The following ACOT12 variants were observed in gnomAD, a reference collection of about 807,000 sequenced individuals.
The protein encoded by ACOT12 is acetyl-coenzyme A thioesterase.
A neutral mutation model predicts 67.7 loss-of-function variants in ACOT12; 51 were observed. The observed-to-expected ratio is 0.75, with a 90% CI of 0.60 to 0.95. The LOEUF is 0.95. ACOT12 is among the 40% of genes least tolerant of loss of function. The probability of loss-of-function intolerance (pLI) is 0.00; values close to 1 mark genes in which losing one functional copy is unlikely to be tolerated. For missense variants in ACOT12, 734 were observed against 708.1 expected (o/e 1.04, Z -0.41); for synonymous variants, 251 against 244.6 (o/e 1.03, Z -0.24).
At position 81,342,704 on chromosome 5, in the gene ACOT12, T is replaced by A. The variant is rs139871526; in HGVS notation, c.1096A>T (p.Arg366Trp). ...VEALKKLAAK[R>W]GWEVTSTVEK... ...ACAGTGCTGGTAACCTCCCAACCCC[T>A]TTTGGCTGCCAGTTTTTTGAGGGCC... The change falls in exon 11 of 15, where the codon AGG becomes TGG. Residue 366 changes from arginine (R) to tryptophan (W), a missense_variant. Transcript: ENST00000307624. 47 of 1,613,970 alleles carry A rather than the reference T, an allele frequency of 2.9e-5. No individual in the cohort carries two copies. The highest frequency in any genetic ancestry group is 1.0e-4 in the Admixed American group (6 of 60,006).
chr5:81,308,617 T>C, the ACOT12 span: 1 of 1,613,768 alleles, frequency 6.2e-7, no homozygotes, highest in Admixed American at 1.7e-5. Flanking sequence ...CCGCCGCCCT[T>C]GAAAATCAAG....
At chr5:81,345,189 C>T in intron 7 of ACOT12, 148 bp from the exon 8 acceptor site, 1 of 1,050,806 alleles carries the variant, frequency 9.5e-7, no homozygotes, top group South Asian at 1.8e-5. Context: ...TTGTTATCAG[C>T]AAACCTGTGC....
rs563988543 is a variant in ACOT12, at chr5:81,389,838, T to G, written c.128-4012A>C. ...CACCAGGCCCAGCCTGTATTAGTTTTTCTTGATGTTCTATGACCTTGAATC... is the reference window on the plus strand; with the variant it reads ...CACCAGGCCCAGCCTGTATTAGTTTGTCTTGATGTTCTATGACCTTGAATC... On this transcript the variant is annotated intron_variant, in intron 1 of 14. Coordinates refer to ENST00000307624, the MANE Select transcript of ACOT12 (RefSeq NM_130767.3). Among the ~76,000 whole-genome samples the G allele has an allele frequency of 4.0e-5, 6 of 151,868 alleles. 1 individual carries two copies. In the South Asian group the frequency reaches 1.1e-3, roughly 27 times the overall value.
the ACOT12 span, among the ~76,000 whole-genome samples, chr5:81,321,574 A>C: frequency 6.6e-6 from 1 of 152,262 alleles, no homozygotes; most frequent in African/African-American, 2.4e-5. Flanking sequence ...AAAAACTACC[A>C]GACTTAAAAA....
chr5:81,393,921 G>T, intron 1 of ACOT12, 67 bp downstream of exon 1: 1 of 1,260,090 alleles, frequency 7.9e-7, no homozygotes, highest in Non-Finnish European at 1.0e-6. Flanking sequence ...ACCCCCCCCA[G>T]CCCCCAGCCG....
At chr5:81,342,606 C>A in intron 11 of ACOT12, 66 bp downstream of exon 11, 1 of 1,473,000 alleles carries the variant, frequency 6.8e-7, no homozygotes, top group East Asian at 2.3e-5. Context: ...AGCAGTAGAA[C>A]CACCACCACC....
intron 1 of ACOT12, among the ~76,000 whole-genome samples, chr5:81,387,532 C>CT (rs71000823): frequency 0.21 from 26,358 of 127,242 alleles, 2,984 homozygotes; most frequent in African/African-American, 0.28. Flanking sequence ...TCTTGAGTAT[C>CT]TTTTTTTTTT....
At chr5:81,393,215 C>T (rs911072472) in intron 1 of ACOT12, among the ~76,000 whole-genome samples, 2 of 152,206 alleles carry the variant, frequency 1.3e-5, no homozygotes, top group African/African-American at 4.8e-5. Flanking sequence ...ACTAGCCAGA[C>T]CTTAGAGAGA....
At chr5:81,342,133 AGT>A (rs1759214880) in intron 11 of ACOT12, among the ~76,000 whole-genome samples, 1 of 152,118 alleles carries the variant, frequency 6.6e-6, no homozygotes, top group African/African-American at 2.4e-5. Flanking sequence ...TAAGACTACA[AGT>A]GTCTGCTACC....
At chr5:81,310,157 T>TAAAAAGAAAAAA in the ACOT12 span, among the ~76,000 whole-genome samples, 1 of 104,776 alleles carries the variant, frequency 9.5e-6, no homozygotes, top group Non-Finnish European at 1.8e-5. Context: ...TGACTAGCTG[T>TAAAAAGAAAAAA]AAAAAAAAAA....
chr5:81,376,647 T>C (rs747590579), intron 2 of ACOT12, among the ~76,000 whole-genome samples: 2 of 151,904 alleles, frequency 1.3e-5, no homozygotes, highest in Admixed American at 6.6e-5. Context: ...TAAAAAATGA[T>C]AAAGAGGATA....
At chr5:81,351,707 G>A (rs1029042438) in intron 5 of ACOT12, among the ~76,000 whole-genome samples, 1 of 152,100 alleles carries the variant, frequency 6.6e-6, no homozygotes, top group Non-Finnish European at 1.5e-5. Context: ...AAAATTTATT[G>A]AGCAGTACCC....
intron 5 of ACOT12, among the ~76,000 whole-genome samples, chr5:81,357,200 C>T (rs1365954486): frequency 6.6e-6 from 1 of 152,138 alleles, no homozygotes; most frequent in Non-Finnish European, 1.5e-5. Context: ...CCTGAAGGGC[C>T]CTTCCTCTGG....
intron 3 of ACOT12, among the ~76,000 whole-genome samples, chr5:81,370,205 C>T (rs1007034594): frequency 2.0e-5 from 3 of 152,032 alleles, no homozygotes; most frequent in Admixed American, 1.3e-4. Flanking sequence ...ACCCAGGAGG[C>T]GGAGGTTGCC....
At chr5:81,374,684 T>A (rs1472782207) in intron 2 of ACOT12, among the ~76,000 whole-genome samples, 1 of 151,908 alleles carries the variant, frequency 6.6e-6, no homozygotes, top group Non-Finnish European at 1.5e-5. Flanking sequence ...CACGAGAACT[T>A]CATGAAGCAT....
At chr5:81,334,793 G>A (rs1367650844) in intron 12 of ACOT12, among the ~76,000 whole-genome samples, 1 of 152,188 alleles carries the variant, frequency 6.6e-6, no homozygotes, top group Non-Finnish European at 1.5e-5. Context: ...CAGTGCAGCT[G>A]GTCTCTGTCA....
At chr5:81,381,102 C>T (rs1760571022) in intron 2 of ACOT12, among the ~76,000 whole-genome samples, 1 of 150,428 alleles carries the variant, frequency 6.6e-6, no homozygotes, top group Non-Finnish European at 1.5e-5. Context: ...GTTTTGCTCT[C>T]GTTGCCCAGG....
chr5:81,321,267 A>T, the ACOT12 span, among the ~76,000 whole-genome samples: 1 of 152,108 alleles, frequency 6.6e-6, no homozygotes, highest in Non-Finnish European at 1.5e-5. Context: ...GTCTCAAAAA[A>T]AGAGAAAAGA....
intron 3 of ACOT12, among the ~76,000 whole-genome samples, chr5:81,365,468 A>C (rs1760050645): frequency 6.6e-6 from 1 of 152,222 alleles, no homozygotes; most frequent in Non-Finnish European, 1.5e-5. Flanking sequence ...AATGAAAAAT[A>C]AAATAAAATA....
Sources: gnomAD v4.1 joint callset for allele counts (sites outside exome capture counted in the v4.1 genomes callset) on GRCh38, gnomAD v4.1.1 for gene constraint, MANE v1.5 for transcripts, NCBI Gene and HGNC (gene_info 2026-07-23, HGNC 2026-07-21) for gene names.